MYO1D: variants seen among roughly 807,000 people sequenced by gnomAD.
MYO1D encodes the protein myosin ID.
In MYO1D, 83 loss-of-function variants were observed where a neutral mutation model predicts 122.0. The observed-to-expected ratio is 0.68, with a 90% CI of 0.57 to 0.82. The LOEUF is 0.82. Among genes scored for constraint, MYO1D ranks in the 40% least tolerant of loss-of-function variants. The pLI is 0.00. For synonymous variants in MYO1D, 464 were observed against 446.9 expected, an observed-to-expected ratio of 1.04 and a Z score of -0.48; for missense variants, 1,157 against 1,269.5, an observed-to-expected ratio of 0.91 and a Z score of 1.35.
At chr17:32,866,138 T>G (rs1820739309) in intron 1 of MYO1D, among the ~76,000 whole-genome samples, 1 of 152,150 alleles carries the variant, frequency 6.6e-6, no homozygotes, top group South Asian at 2.1e-4. Context: ...TGCCTCAGCC[T>G]CCCCAGTAGC....
intron 1 of MYO1D, among the ~76,000 whole-genome samples, chr17:32,857,081 C>T (rs2091033085): frequency 6.6e-6 from 1 of 152,308 alleles, no homozygotes; most frequent in South Asian, 2.1e-4. Flanking sequence ...AAGCCATCTT[C>T]TTTCTCTGTA....
At chr17:32,568,770 T>C (rs2150894436) in intron 21 of MYO1D, among the ~76,000 whole-genome samples, 1 of 152,362 alleles carries the variant, frequency 6.6e-6, no homozygotes, top group South Asian at 2.1e-4. Context: ...CCGTGCTTTC[T>C]GTCCCAGACC....
intron 20 of MYO1D, among the ~76,000 whole-genome samples, chr17:32,624,001 T>C (rs1422161783): frequency 6.6e-6 from 1 of 152,170 alleles, no homozygotes; most frequent in Non-Finnish European, 1.5e-5. Flanking sequence ...TAGCACTCTG[T>C]GTCTCTCTGT....
intron 21 of MYO1D, among the ~76,000 whole-genome samples, chr17:32,588,617 A>T (rs953010624): frequency 4.6e-5 from 7 of 152,114 alleles, no homozygotes; most frequent in African/African-American, 1.7e-4. Context: ...TATTGGGCAA[A>T]CTGACTTCTG....
At chr17:32,818,494 G>T (rs2090633150) in intron 1 of MYO1D, among the ~76,000 whole-genome samples, 1 of 152,146 alleles carries the variant, frequency 6.6e-6, no homozygotes, top group Non-Finnish European at 1.5e-5. Flanking sequence ...TTCGGCTCAA[G>T]GATCAAAAAA....
chr17:32,853,469 C>G (rs1005544752), intron 1 of MYO1D, among the ~76,000 whole-genome samples: 1 of 152,192 alleles, frequency 6.6e-6, no homozygotes. Flanking sequence ...GTTCAAACAT[C>G]TCCTTTGAAG....
chr17:32,773,728 C>CA (rs2090146194), intron 4 of MYO1D, among the ~76,000 whole-genome samples: 1 of 152,202 alleles, frequency 6.6e-6, no homozygotes, highest in East Asian at 1.9e-4. Flanking sequence ...CACTTGACCC[C>CA]AATACAAACT....
At chr17:32,837,786 G>A (rs1182853387) in intron 1 of MYO1D, among the ~76,000 whole-genome samples, 2 of 152,000 alleles carry the variant, frequency 1.3e-5, no homozygotes, top group Non-Finnish European at 2.9e-5. Flanking sequence ...AGTCTGATAG[G>A]ACAAAAAATT....
Position 32,745,259 on chromosome 17 carries a change from T to C in MYO1D, c.1565A>G (p.Lys522Arg), listed in dbSNP as rs759786671. 1.9e-6 allele frequency: 3 copies of C among 1,551,522 alleles called. No individual in the cohort carries two copies. The Admixed American group carries it at 5.2e-5, about 27-fold the overall frequency. ...ATCTTGAAATAAAGTATCTTTATTT[T>C]TGTCAATAAAACCAATGACAGAATA... ...VVYSVIGFID[K>R]NKDTLFQDFK... Residue 522 changes from lysine (K) to arginine (R), a missense_variant, in exon 13 of 22, where the codon AAA becomes AGA. Lys to Arg is a conservative substitution (Grantham distance 26, BLOSUM62 2). Transcript: ENST00000318217.
At chr17:32,736,187 C>G (rs2089698851) in intron 14 of MYO1D, among the ~76,000 whole-genome samples, 1 of 151,978 alleles carries the variant, frequency 6.6e-6, no homozygotes, top group Non-Finnish European at 1.5e-5. Flanking sequence ...CCCCTGATCT[C>G]CATACACACA....
chr17:32,763,698 T>C (rs1245045447), intron 8 of MYO1D, among the ~76,000 whole-genome samples: 2 of 152,192 alleles, frequency 1.3e-5, no homozygotes, highest in African/African-American at 4.8e-5. Context: ...GGCAGGTAGA[T>C]CGCTTGAGGT....
At chr17:32,867,309 G>A (rs1303491420) in intron 1 of MYO1D, among the ~76,000 whole-genome samples, 1 of 146,378 alleles carries the variant, frequency 6.8e-6, no homozygotes, top group Non-Finnish European at 1.5e-5. Flanking sequence ...CCAGGTGATA[G>A]TGTGAGACTG....
Position 32,822,316 on chromosome 17 carries a change from T to A in MYO1D, c.96-41532A>T, listed in dbSNP as rs917018919. 2.0e-5 allele frequency among the ~76,000 whole-genome samples: 3 copies of A among 146,694 alleles called. No homozygotes were observed. In the South Asian group the frequency reaches 6.4e-4, roughly 31 times the overall value. ...GCATGTTCTCACTCATAGGTGGGAATTGAACAATGAGAACACTTGGACACA... is the reference window on the plus strand; with the variant it reads ...GCATGTTCTCACTCATAGGTGGGAAATGAACAATGAGAACACTTGGACACA... On this transcript the variant is annotated intron_variant, in intron 1 of 21. Coordinates refer to ENST00000318217, the MANE Select transcript of MYO1D (RefSeq NM_015194.3).
intron 21 of MYO1D, among the ~76,000 whole-genome samples, chr17:32,581,940 T>C (rs1161244844): frequency 6.6e-6 from 1 of 152,060 alleles, no homozygotes; most frequent in East Asian, 1.9e-4. Flanking sequence ...AATTTTTGTA[T>C]TTTTAGTAGA....
At chr17:32,874,304 C>CTCTCTCTGTGTCTCTG (rs1555550660) in intron 1 of MYO1D, among the ~76,000 whole-genome samples, 1 of 149,168 alleles carries the variant, frequency 6.7e-6, no homozygotes, top group Non-Finnish European at 1.5e-5. Context: ...GTCTCTGTCT[C>CTCTCTCTGTGTCTCTG]TCTCTCTCTC....
At chr17:32,608,240 A>G (rs1373102151) in intron 20 of MYO1D, among the ~76,000 whole-genome samples, 1 of 152,242 alleles carries the variant, frequency 6.6e-6, no homozygotes, top group African/African-American at 2.4e-5. Context: ...AATGTATCTG[A>G]TAAAGGACTT....
At chr17:32,507,925 C>A (rs1275978296) in intron 21 of MYO1D, among the ~76,000 whole-genome samples, 1 of 131,118 alleles carries the variant, frequency 7.6e-6, no homozygotes, top group Non-Finnish European at 1.6e-5. Context: ...GAGACGGAGT[C>A]TCGCTCTGTC....
At chr17:32,658,865 T>C in intron 17 of MYO1D, 1 of 500,304 alleles carries the variant, frequency 2.0e-6, no homozygotes, top group Non-Finnish European at 3.6e-6. Flanking sequence ...ATCTTAACTA[T>C]GGCTTGTGTC....
At chr17:32,627,600 T>C (rs1355286816) in intron 20 of MYO1D, 6 of 152,084 alleles carry the variant, frequency 3.9e-5, no homozygotes, top group Non-Finnish European at 8.8e-5. Context: ...GTCTCTTTTC[T>C]CTCCCCTGCT....
Sources: allele counts gnomAD v4.1 joint callset (sites outside exome capture counted in the v4.1 genomes callset), GRCh38; gene constraint gnomAD v4.1.1; transcripts MANE v1.5; gene names NCBI Gene and HGNC (gene_info 2026-07-23, HGNC 2026-07-21).